LINGO2: variants seen among roughly 807,000 people sequenced by gnomAD.
The protein encoded by LINGO2 is leucine rich repeat and Ig domain containing 2, also known as leucine-rich repeat and immunoglobulin-like domain-containing nogo receptor-interacting protein 2.
LINGO2 carries 14 observed loss-of-function variants against 30.6 expected under a neutral mutation model. The observed-to-expected ratio is 0.46, with a 90% CI of 0.30 to 0.72. The LOEUF (loss-of-function observed/expected upper bound fraction) is 0.72, where lower values mean the gene tolerates loss of function less well. LINGO2 is among the 30% of genes least tolerant of loss of function. The pLI, the probability that LINGO2 is intolerant of heterozygous loss-of-function variation, is 0.07. For missense variants in LINGO2, 729 were observed against 751.7 expected (o/e 0.97, Z 0.35); for synonymous variants, 317 against 288.5 (o/e 1.10, Z -1.00).
intron 1 of LINGO2, among the ~76,000 whole-genome samples, chr9:28,629,291 A>G (rs1826824339): frequency 6.6e-6 from 1 of 152,138 alleles, no homozygotes; most frequent in Non-Finnish European, 1.5e-5. Context: ...CAGGGCACAG[A>G]GAATGTATTA....
Position 28,245,726 on chromosome 9 carries a change from TA to T in LINGO2, c.-87+49481del, listed in dbSNP as rs1821973408. 2.0e-5 allele frequency among the ~76,000 whole-genome samples: 3 copies of T among 148,374 alleles called. No individual in the cohort carries two copies. In the South Asian group the frequency reaches 6.3e-4, roughly 31 times the overall value. Reference sequence around the variant, plus strand: ...AAAGAGAATAAAATACCTAGGAATATAGCTAAGAAGGGATGTGGAGAAACTC... The same window carrying T: ...AAAGAGAATAAAATACCTAGGAATATGCTAAGAAGGGATGTGGAGAAACTC... On this transcript the variant is annotated intron_variant, in intron 4 of 5. Transcript: ENST00000379992.
the LINGO2 span, among the ~76,000 whole-genome samples, chr9:28,898,700 C>T: frequency 2.9e-4 from 44 of 152,082 alleles, no homozygotes; most frequent in African/African-American, 1.1e-3. Context: ...CTTCCCGAAA[C>T]ACTACAATAT....
At chr9:28,242,284 C>G (rs918421805) in intron 4 of LINGO2, among the ~76,000 whole-genome samples, 1 of 152,040 alleles carries the variant, frequency 6.6e-6, no homozygotes, top group Non-Finnish European at 1.5e-5. Flanking sequence ...ACATAAATGA[C>G]CAACGGAGCT....
the LINGO2 span, among the ~76,000 whole-genome samples, chr9:28,829,125 A>G: frequency 6.6e-6 from 1 of 152,182 alleles, no homozygotes. Flanking sequence ...GAGGAAAAGA[A>G]GCAGCTGATT....
chr9:28,075,684 T>C (rs962810795), intron 4 of LINGO2, among the ~76,000 whole-genome samples: 1 of 152,080 alleles, frequency 6.6e-6, no homozygotes, highest in African/African-American at 2.4e-5. Flanking sequence ...ATATTTCTTG[T>C]TCTGCTGAGT....
At chr9:28,729,448 T>G in the LINGO2 span, among the ~76,000 whole-genome samples, 1 of 151,508 alleles carries the variant, frequency 6.6e-6, no homozygotes, top group Non-Finnish European at 1.5e-5. Flanking sequence ...AACTAAAACT[T>G]AAAAAGAGGG....
chr9:29,087,914 A>T, the LINGO2 span, among the ~76,000 whole-genome samples: 1 of 152,102 alleles, frequency 6.6e-6, no homozygotes, highest in Non-Finnish European at 1.5e-5. Context: ...AATGATACCT[A>T]CCTCATAAAG....
intron 3 of LINGO2, among the ~76,000 whole-genome samples, chr9:28,365,234 C>G (rs75042191): frequency 6.6e-6 from 1 of 151,684 alleles, no homozygotes; most frequent in Non-Finnish European, 1.5e-5. Context: ...ATAGAGGGAA[C>G]GTGAAGAATT....
the LINGO2 span, among the ~76,000 whole-genome samples, chr9:29,080,064 C>A: frequency 1.3e-5 from 2 of 152,024 alleles, no homozygotes; most frequent in African/African-American, 4.8e-5. Context: ...GCTGGGAATC[C>A]ATCTGGTCCT....
chr9:28,296,788 C>A (rs1823938948), intron 3 of LINGO2, among the ~76,000 whole-genome samples: 1 of 152,182 alleles, frequency 6.6e-6, no homozygotes, highest in African/African-American at 2.4e-5. Context: ...AATATCCACA[C>A]CCCCTCAACA....
At chr9:28,179,096 T>C (rs1828827493) in intron 4 of LINGO2, among the ~76,000 whole-genome samples, 1 of 151,806 alleles carries the variant, frequency 6.6e-6, no homozygotes, top group Non-Finnish European at 1.5e-5. Context: ...TTTTAATACA[T>C]GGAATTGGCA....
chr9:28,079,689 T>C (rs950643008), intron 4 of LINGO2, among the ~76,000 whole-genome samples: 1 of 152,210 alleles, frequency 6.6e-6, no homozygotes, highest in African/African-American at 2.4e-5. Flanking sequence ...CTTATAAGTC[T>C]ATAAATACAG....
At chr9:28,451,101 C>G (rs1279006261) in intron 2 of LINGO2, among the ~76,000 whole-genome samples, 1 of 151,768 alleles carries the variant, frequency 6.6e-6, no homozygotes, top group Non-Finnish European at 1.5e-5. Context: ...AATTGTTTAA[C>G]AAAAATACAG....
intron 1 of LINGO2, among the ~76,000 whole-genome samples, chr9:28,643,173 A>G (rs755526277): frequency 2.0e-5 from 3 of 152,100 alleles, no homozygotes; most frequent in African/African-American, 4.8e-5. Flanking sequence ...TCTTCAAAGA[A>G]AGAGAAAAAA....
intron 1 of LINGO2, among the ~76,000 whole-genome samples, chr9:28,591,803 C>A (rs1037514759): frequency 6.6e-6 from 1 of 151,940 alleles, no homozygotes; most frequent in African/African-American, 2.4e-5. Flanking sequence ...TTATTTGATG[C>A]CTGGAGACTT....
the LINGO2 span, among the ~76,000 whole-genome samples, chr9:29,207,829 T>C: frequency 6.6e-6 from 1 of 152,020 alleles, no homozygotes; most frequent in Admixed American, 6.6e-5. Context: ...ATTAACAAAA[T>C]GTATTCTAGT....
the LINGO2 span, among the ~76,000 whole-genome samples, chr9:29,200,200 A>G: frequency 6.6e-6 from 1 of 152,106 alleles, no homozygotes; most frequent in Non-Finnish European, 1.5e-5. Flanking sequence ...GCTCCATCAC[A>G]GCAAAATGAA....
the LINGO2 span, among the ~76,000 whole-genome samples, chr9:28,862,047 G>A: frequency 1.3e-4 from 20 of 151,886 alleles, no homozygotes; most frequent in East Asian, 3.5e-3. Context: ...CATAAGCTTC[G>A]GCTCAAAGGA....
At chr9:28,152,301 G>GTCTC (rs5897277) in intron 4 of LINGO2, among the ~76,000 whole-genome samples, 2 of 150,214 alleles carry the variant, frequency 1.3e-5, no homozygotes, top group Non-Finnish European at 3.0e-5. Flanking sequence ...GGCAACTCTT[G>GTCTC]TCTCTCTCTC....
Sources: allele counts gnomAD v4.1 joint callset (sites outside exome capture counted in the v4.1 genomes callset), GRCh38; gene constraint gnomAD v4.1.1; transcripts MANE v1.5; gene names NCBI Gene and HGNC (gene_info 2026-07-23, HGNC 2026-07-21).